The following NTRK3 variants were observed in gnomAD, a reference collection of about 807,000 sequenced individuals.
NTRK3 encodes the protein NT-3 growth factor receptor.
NTRK3 carries 24 observed loss-of-function variants against 91.7 expected under a neutral mutation model. That is an observed-to-expected ratio of 0.26 (90% CI 0.19 to 0.37). The LOEUF (loss-of-function observed/expected upper bound fraction) is 0.37. Among genes scored for constraint, NTRK3 ranks in the 10% least tolerant of loss-of-function variants. The pLI, the probability that NTRK3 is intolerant of heterozygous loss-of-function variation, is 1.00. For synonymous variants in NTRK3, 483 were observed against 404.0 expected, an observed-to-expected ratio of 1.20 and a Z score of -2.34; for missense variants, 880 against 1,068.9, an observed-to-expected ratio of 0.82 and a Z score of 2.46.
intron 5 of NTRK3, among the ~76,000 whole-genome samples, chr15:88,181,779 C>G (rs535604360): frequency 3.9e-5 from 6 of 152,336 alleles, no homozygotes; most frequent in Admixed American, 3.9e-4. Flanking sequence ...CACCAGGCCC[C>G]ACCTCCACGT....
intron 14 of NTRK3, among the ~76,000 whole-genome samples, chr15:87,977,170 G>A (rs995302770): frequency 6.6e-6 from 1 of 152,194 alleles, no homozygotes; most frequent in Non-Finnish European, 1.5e-5. Context: ...TACTGTATGA[G>A]CCTAAGCTAT....
At chr15:87,936,363 C>T (rs761433394) in intron 15 of NTRK3, among the ~76,000 whole-genome samples, 24 of 152,212 alleles carry the variant, frequency 1.6e-4, no homozygotes, top group Non-Finnish European at 3.1e-4. Context: ...TTCCCCTCTA[C>T]GTGCATCAGC....
At chr15:88,092,593 A>C (rs117302701) in intron 13 of NTRK3, among the ~76,000 whole-genome samples, 1,841 of 152,328 alleles carry the variant, frequency 0.012, 13 homozygotes, top group Non-Finnish European at 0.021. Flanking sequence ...GCTGTAACAA[A>C]TTCCCACAAA....
intron 5 of NTRK3, among the ~76,000 whole-genome samples, chr15:88,178,064 A>G (rs560762863): frequency 6.6e-6 from 1 of 152,308 alleles, no homozygotes; most frequent in African/African-American, 2.4e-5. Flanking sequence ...CCAGCATTTC[A>G]TGGCTAAGTC....
intron 14 of NTRK3, among the ~76,000 whole-genome samples, chr15:87,992,688 C>A (rs2075383071): frequency 6.6e-6 from 1 of 152,214 alleles, no homozygotes; most frequent in African/African-American, 2.4e-5. Flanking sequence ...TGGTATGGAC[C>A]CTGGTTTGTG....
Position 87,861,524 on chromosome 15 carries a change from A to G in NTRK3, c.*15411T>C, listed in dbSNP as rs183442743. The G allele has an allele frequency of 1.5e-5, 3 of 197,566 alleles. No homozygotes were observed. The East Asian group carries it at 2.4e-4, about 16-fold the overall frequency. 12.2% of individuals were successfully genotyped at this position (197,566 alleles called of 1,614,324 possible). ...TGTTCTGCTGTAGACCTAGCTGTAA[A>G]AAGCCATTCATGCAAAAAATTACTT... On this transcript the variant is annotated 3_prime_UTR_variant, in exon 19 of 19. Coordinates refer to ENST00000394480, the Ensembl canonical transcript of NTRK3.
chr15:87,888,070 T>C (rs1213874717), intron 17 of NTRK3, among the ~76,000 whole-genome samples: 1 of 152,090 alleles, frequency 6.6e-6, no homozygotes, highest in Non-Finnish European at 1.5e-5. Context: ...GGGAAACAGA[T>C]CTTTGGATTG....
At chr15:88,245,141 C>T (rs2052699550) in intron 3 of NTRK3, among the ~76,000 whole-genome samples, 2 of 152,206 alleles carry the variant, frequency 1.3e-5, no homozygotes, top group Admixed American at 1.3e-4. Flanking sequence ...CTTCTCTTGC[C>T]TCCGTCAGCT....
chr15:87,980,517 A>G (rs1290016458), intron 14 of NTRK3, among the ~76,000 whole-genome samples: 3 of 152,058 alleles, frequency 2.0e-5, no homozygotes, highest in South Asian at 4.2e-4. Context: ...GTGCGAATAT[A>G]TGTGTGTGTA....
chr15:87,937,173 G>T (rs2069372742), intron 15 of NTRK3, among the ~76,000 whole-genome samples: 1 of 152,134 alleles, frequency 6.6e-6, no homozygotes, highest in African/African-American at 2.4e-5. Flanking sequence ...CCTGCAAGTT[G>T]GATACCCAGG....
At chr15:88,199,824 C>G (rs2048148677) in intron 3 of NTRK3, among the ~76,000 whole-genome samples, 1 of 152,202 alleles carries the variant, frequency 6.6e-6, no homozygotes, top group African/African-American at 2.4e-5. Flanking sequence ...CTCAAAGATC[C>G]CAGGGGCTTG....
intron 3 of NTRK3, among the ~76,000 whole-genome samples, chr15:88,203,797 C>T (rs1353367936): frequency 6.6e-6 from 1 of 152,152 alleles, no homozygotes; most frequent in Non-Finnish European, 1.5e-5. Flanking sequence ...TAGATTATCA[C>T]ATGTACCCCA....
intron 14 of NTRK3, among the ~76,000 whole-genome samples, chr15:88,000,819 T>C (rs183555205): frequency 6.6e-6 from 1 of 152,366 alleles, no homozygotes; most frequent in Non-Finnish European, 1.5e-5. Context: ...TGAATATTCA[T>C]GTACAAGTTT....
In NTRK3 at chr15:87,982,075, G is replaced by C. The variant is rs2074330602; in HGVS notation, c.1586-41322C>G. On this transcript the variant is annotated intron_variant, in intron 14 of 18. Coordinates refer to ENST00000394480, the Ensembl canonical transcript of NTRK3. ...AAAGATCCGTGTCGGATCCATTAAAGACCAGGGCCAAGCCCGCCTAAGTCT... is the reference window on the plus strand; with the variant it reads ...AAAGATCCGTGTCGGATCCATTAAACACCAGGGCCAAGCCCGCCTAAGTCT... 3.3e-5 allele frequency among the ~76,000 whole-genome samples: 5 copies of C among 152,314 alleles called. No individual in the cohort carries two copies. The South Asian group carries it at 1.0e-3, about 32-fold the overall frequency.
At chr15:88,135,326 C>T in exon 10 of NTRK3, 2 of 1,614,192 alleles carry the variant, frequency 1.2e-6, no homozygotes, top group Non-Finnish European at 1.7e-6. Context: ...GGGGGGTTGC[C>T]ACGCACCACA....
chr15:87,908,118 A>G (rs2066878240), intron 17 of NTRK3, among the ~76,000 whole-genome samples: 2 of 152,324 alleles, frequency 1.3e-5, no homozygotes, highest in Admixed American at 6.5e-5. Context: ...ACCTCCTGAA[A>G]TGCAAGAAAG....
At chr15:87,891,149 T>C (rs1278558558) in intron 17 of NTRK3, among the ~76,000 whole-genome samples, 2 of 152,216 alleles carry the variant, frequency 1.3e-5, no homozygotes, top group Non-Finnish European at 2.9e-5. Context: ...ACAGTTCAAA[T>C]ATTATTACTA....
chr15:88,109,721 C>T (rs1035020246), intron 13 of NTRK3, among the ~76,000 whole-genome samples: 3 of 152,186 alleles, frequency 2.0e-5, no homozygotes, highest in African/African-American at 7.2e-5. Flanking sequence ...AAACAACCAA[C>T]ACCAAGAGCC....
At chr15:88,126,478 T>C (rs1441635798) in intron 12 of NTRK3, 105 bp from the exon 13 acceptor site, 3 of 716,554 alleles carry the variant, frequency 4.2e-6, no homozygotes, top group African/African-American at 3.5e-5. Flanking sequence ...GCCATAGTAA[T>C]TGTAGCCTTC....
Sources: allele counts gnomAD v4.1 joint callset (sites outside exome capture counted in the v4.1 genomes callset), GRCh38; gene constraint gnomAD v4.1.1; transcripts MANE v1.5; gene names NCBI Gene and HGNC (gene_info 2026-07-23, HGNC 2026-07-21).